Variants in TBC1D32 observed in about 807,000 individuals in gnomAD.
The protein encoded by TBC1D32 is TBC1 domain family member 32, also known as protein broad-minded.
Under a neutral mutation model 170.3 loss-of-function variants are expected in TBC1D32, and 151 were observed. The ratio of observed to expected loss-of-function variants is 0.89; its 90% CI spans 0.78 to 1.01. The LOEUF is 1.01. TBC1D32 is among the 50% of genes least tolerant of loss of function. The probability of loss-of-function intolerance (pLI) is 0.00; values close to 1 mark genes in which losing one functional copy is unlikely to be tolerated. For missense variants in TBC1D32, 1,464 were observed against 1,457.1 expected (o/e 1.00, Z -0.08); for synonymous variants, 498 against 488.0 (o/e 1.02, Z -0.27).
chr6:121,121,533 C>T (rs562885036), intron 26 of TBC1D32, among the ~76,000 whole-genome samples: 14 of 152,066 alleles, frequency 9.2e-5, no homozygotes, highest in Middle Eastern at 3.4e-3. Context: ...GATATTCATC[C>T]GTGGAAAACT....
chr6:121,262,253 A>G (rs1799860897), intron 15 of TBC1D32, among the ~76,000 whole-genome samples: 2 of 152,140 alleles, frequency 1.3e-5, no homozygotes, highest in Non-Finnish European at 2.9e-5. Context: ...ACAGGCCAAC[A>G]TTCAAATTCA....
chr6:121,091,160 T>C, intron 30 of TBC1D32, 119 bp from the exon 31 acceptor site: 1 of 818,484 alleles, frequency 1.2e-6, no homozygotes, highest in Non-Finnish European at 1.9e-6. Flanking sequence ...TTAATCAAAA[T>C]ACAAAGACAG....
At chr6:121,315,593 T>A (rs1256707497) in intron 3 of TBC1D32, among the ~76,000 whole-genome samples, 1 of 152,160 alleles carries the variant, frequency 6.6e-6, no homozygotes, top group Admixed American at 6.6e-5. Context: ...GTTTCACTAA[T>A]ATCAAAACAG....
At chr6:121,141,622 T>C (rs556310887) in intron 24 of TBC1D32, among the ~76,000 whole-genome samples, 8 of 152,114 alleles carry the variant, frequency 5.3e-5, no homozygotes, top group African/African-American at 1.9e-4. Context: ...GATCAAAAGG[T>C]CAGATGAAGA....
chr6:121,278,299 T>A (rs73526664), intron 15 of TBC1D32, among the ~76,000 whole-genome samples: 5,396 of 152,106 alleles, frequency 0.035, 268 homozygotes, highest in African/African-American at 0.1. Context: ...GATTACATAT[T>A]CTACAGACTG....
intron 29 of TBC1D32, among the ~76,000 whole-genome samples, chr6:121,111,802 A>G (rs546612916): frequency 3.3e-5 from 5 of 152,268 alleles, no homozygotes; most frequent in Non-Finnish European, 7.4e-5. Context: ...ATACTTGCCA[A>G]TCTCCTTAGT....
intron 26 of TBC1D32, among the ~76,000 whole-genome samples, chr6:121,119,245 A>C (rs1780015126): frequency 6.6e-6 from 1 of 152,118 alleles, no homozygotes; most frequent in Non-Finnish European, 1.5e-5. Context: ...TTTCTACCTT[A>C]CTATATGCTG....
chr6:121,333,596 G>A (rs985738506), intron 1 of TBC1D32, among the ~76,000 whole-genome samples: 23 of 152,238 alleles, frequency 1.5e-4, no homozygotes, highest in Non-Finnish European at 2.9e-4. Context: ...ATATTTTCAA[G>A]GAACAAAGAT....
At chr6:121,226,694 G>A (rs1262664161) in intron 20 of TBC1D32, among the ~76,000 whole-genome samples, 1 of 152,078 alleles carries the variant, frequency 6.6e-6, no homozygotes, top group Non-Finnish European at 1.5e-5. Flanking sequence ...ACATGTCTTA[G>A]GAGTAAAGGA....
chr6:121,279,359 A>G, intron 14 of TBC1D32, 114 bp from the exon 15 acceptor site: 1 of 1,204,982 alleles, frequency 8.3e-7, no homozygotes, highest in East Asian at 2.7e-5. Context: ...TACAACAAAA[A>G]ACAAGCTTAA....
At position 121,317,523 on chromosome 6, in the gene TBC1D32, C is replaced by G; in HGVS notation, c.467G>C (p.Cys156Ser). The change falls in exon 3 of 32, where the codon TGC becomes TCC. Residue 156 changes from cysteine (C) to serine (S), a missense_variant. By Grantham distance (112) the Cys-to-Ser change is moderately radical. Coordinates refer to ENST00000398212, the MANE Select transcript of TBC1D32 (RefSeq NM_152730.6). ...EKSHSYRTDN[C>S]SDSDSSLNQS... ...ATTCAATGATGAATCACTATCAGAG[C>G]AATTGTCTGTGCGGTAACTATGGCT... is the stretch of plus-strand genomic sequence containing the variant. 6.2e-7 allele frequency: 1 copy of G among 1,610,178 alleles called. No individual in the cohort carries two copies. The highest frequency in any genetic ancestry group is 8.5e-7 in the Non-Finnish European group (1 of 1,178,298).
At position 121,205,000 on chromosome 6, in the gene TBC1D32, T is replaced by A. The variant is rs533279993; in HGVS notation, c.2570+75A>T. 6.3e-6 allele frequency: 5 copies of A among 799,726 alleles called. No homozygotes were observed. The South Asian group carries it at 8.1e-5, about 13-fold the overall frequency. 49.5% of individuals were successfully genotyped at this position (799,726 alleles called of 1,614,324 possible). On this transcript the variant is annotated intron_variant, in intron 22 of 31. Coordinates refer to ENST00000398212, the MANE Select transcript of TBC1D32 (RefSeq NM_152730.6). ...TATTAGCTAATTTTAAATACTTTTT[T>A]AAAGTATACAGGACAAATGCTTATT...
intron 15 of TBC1D32, among the ~76,000 whole-genome samples, chr6:121,267,685 G>A (rs907938909): frequency 6.6e-6 from 1 of 152,160 alleles, no homozygotes; most frequent in African/African-American, 2.4e-5. Flanking sequence ...CACCTCTGGG[G>A]ACAGGGCATA....
At chr6:121,194,570 G>A (rs917325330) in intron 22 of TBC1D32, among the ~76,000 whole-genome samples, 3 of 152,190 alleles carry the variant, frequency 2.0e-5, no homozygotes, top group African/African-American at 4.8e-5. Context: ...TGCAGCTGCT[G>A]TACTAGATGT....
chr6:121,126,607 T>C, intron 25 of TBC1D32, 146 bp from the exon 26 acceptor site: 1 of 528,404 alleles, frequency 1.9e-6, no homozygotes, highest in South Asian at 3.0e-5. Context: ...CGTACTGTTT[T>C]AGTATTCATA....
chr6:121,236,169 A>T (rs1796311755), intron 20 of TBC1D32, among the ~76,000 whole-genome samples: 1 of 148,696 alleles, frequency 6.7e-6, no homozygotes. Context: ...TATGAGCTAT[A>T]CCTCTTTGCA....
intron 22 of TBC1D32, among the ~76,000 whole-genome samples, chr6:121,202,350 G>C (rs1444966646): frequency 3.5e-5 from 5 of 142,744 alleles, no homozygotes. Flanking sequence ...GAAATGAAGA[G>C]AATTTTTCAC....
intron 15 of TBC1D32, among the ~76,000 whole-genome samples, chr6:121,276,375 T>C (rs1583524302): frequency 6.6e-6 from 1 of 152,106 alleles, no homozygotes; most frequent in East Asian, 1.9e-4. Context: ...CAACTAATTC[T>C]GTTGTAAATG....
intron 22 of TBC1D32, among the ~76,000 whole-genome samples, chr6:121,191,356 A>G (rs1789999856): frequency 6.6e-6 from 1 of 152,222 alleles, no homozygotes; most frequent in Non-Finnish European, 1.5e-5. Context: ...AGAAGAACAT[A>G]AATTACATAC....
Sources: allele counts gnomAD v4.1 joint callset (sites outside exome capture counted in the v4.1 genomes callset), GRCh38; gene constraint gnomAD v4.1.1; transcripts MANE v1.5; gene names NCBI Gene and HGNC (gene_info 2026-07-23, HGNC 2026-07-21).